The following ECM2 variants were observed in gnomAD, a reference collection of about 807,000 sequenced individuals.
ECM2 encodes extracellular matrix protein 2.
A neutral mutation model predicts 67.5 loss-of-function variants in ECM2; 57 were observed. The ratio of observed to expected loss-of-function variants is 0.84; its 90% CI spans 0.68 to 1.05. The LOEUF (loss-of-function observed/expected upper bound fraction) is 1.05. ECM2 is among the 50% of genes least tolerant of loss of function. ECM2 has a pLI of 0.00. For synonymous variants in ECM2, 258 were observed against 294.5 expected (o/e 0.88, Z 1.27); for missense variants, 741 against 822.8 (o/e 0.90, Z 1.22).
At chr9:92,508,893 C>G (rs956574552) in intron 6 of ECM2, among the ~76,000 whole-genome samples, 2 of 151,816 alleles carry the variant, frequency 1.3e-5, no homozygotes, top group African/African-American at 4.8e-5. Context: ...AGCAAGGAAA[C>G]AGACAGTGTT....
chr9:92,535,790 A>G (rs1849133804), intron 1 of ECM2, 143 bp downstream of exon 1: 1 of 264,566 alleles, frequency 3.8e-6, no homozygotes, highest in African/African-American at 2.3e-5. Context: ...AAAAACAAAC[A>G]GAATAATGCA....
the ECM2 span, among the ~76,000 whole-genome samples, chr9:92,552,132 C>CAT: frequency 9.0e-5 from 12 of 133,862 alleles, 1 homozygote; most frequent in South Asian, 2.6e-4. Context: ...ATAGATCTAT[C>CAT]ATATATATGT....
intron 1 of ECM2, among the ~76,000 whole-genome samples, chr9:92,531,884 C>T (rs1443850364): frequency 1.3e-5 from 2 of 151,976 alleles, no homozygotes; most frequent in Non-Finnish European, 2.9e-5. Flanking sequence ...CTGGGGTTGA[C>T]AAGTGTTTTC....
chr9:92,511,229 G>A (rs1847318971), intron 5 of ECM2, among the ~76,000 whole-genome samples: 1 of 151,960 alleles, frequency 6.6e-6, no homozygotes, highest in African/African-American at 2.4e-5. Context: ...GAATTCAAGC[G>A]ATTCTCCTGC....
chr9:92,533,318 A>ATATATATATAT (rs1848939859), intron 1 of ECM2, among the ~76,000 whole-genome samples: 1 of 94,840 alleles, frequency 1.1e-5, no homozygotes, highest in African/African-American at 4.2e-5. Context: ...AAAAAAAAAA[A>ATATATATATAT]AAAAAAAAAA....
intron 1 of ECM2, among the ~76,000 whole-genome samples, chr9:92,528,865 T>C (rs551893697): frequency 4.6e-5 from 7 of 152,320 alleles, no homozygotes; most frequent in Admixed American, 3.3e-4. Context: ...ACAGGAAAAG[T>C]TGACCCATAA....
chr9:92,526,430 G>A (rs938689115), intron 1 of ECM2, among the ~76,000 whole-genome samples: 3 of 151,974 alleles, frequency 2.0e-5, no homozygotes, highest in African/African-American at 7.3e-5. Flanking sequence ...TACAGCAAAA[G>A]CAGTACTAAG....
In ECM2 at chr9:92,517,842, G is replaced by T. The variant is rs35496743; in HGVS notation, c.326C>A (p.Thr109Asn). 1.2e-6 allele frequency: 2 copies of T among 1,614,148 alleles called. No homozygotes were observed. Among genetic ancestry groups the T allele is most frequent in the Non-Finnish European group, 1.7e-6 (2 of 1,180,036 alleles). Reference protein sequence around the residue: ...KKGHCLVKGITMYNKAVWSPE... With the variant: ...KKGHCLVKGINMYNKAVWSPE... Reference sequence around the variant, plus strand: ...CGACCACACAGCTTTGTTGTACATGGTTATGCCCTTTACCAAACAGTGTCC... The same window carrying T: ...CGACCACACAGCTTTGTTGTACATGTTTATGCCCTTTACCAAACAGTGTCC... Residue 109 changes from threonine to asparagine, a missense_variant, in exon 3 of 10, where the codon ACC becomes AAC. Transcript: ENST00000344604.
chr9:92,552,007 T>TC, the ECM2 span, among the ~76,000 whole-genome samples: 2 of 146,258 alleles, frequency 1.4e-5, no homozygotes, highest in African/African-American at 2.5e-5. Context: ...TATATGTGTA[T>TC]ATATATGATA....
the ECM2 span, among the ~76,000 whole-genome samples, chr9:92,552,218 C>G: frequency 6.7e-6 from 1 of 149,978 alleles, no homozygotes; most frequent in African/African-American, 2.5e-5. Context: ...CACACACACC[C>G]CACAGTTTCT....
chr9:92,504,700 A>AT (rs942622344), intron 7 of ECM2, among the ~76,000 whole-genome samples: 16 of 150,862 alleles, frequency 1.1e-4, no homozygotes, highest in Admixed American at 2.6e-4. Flanking sequence ...ATGACTGGCT[A>AT]TTTTTTTTTA....
At chr9:92,550,695 C>T in the ECM2 span, among the ~76,000 whole-genome samples, 1 of 152,014 alleles carries the variant, frequency 6.6e-6, no homozygotes, top group Non-Finnish European at 1.5e-5. Context: ...ATATGATATT[C>T]TAAATGTGTA....
At chr9:92,546,502 A>C in the ECM2 span, among the ~76,000 whole-genome samples, 1 of 151,958 alleles carries the variant, frequency 6.6e-6, no homozygotes, top group South Asian at 2.1e-4. Context: ...AGAAAAGAAC[A>C]ACTCCAGACG....
In ECM2 at chr9:92,517,710, C is replaced by A. The variant is rs757687848; in HGVS notation, c.458G>T (p.Cys153Phe). The A allele has an allele frequency of 6.2e-7, 1 of 1,614,046 alleles. No individual in the cohort carries two copies. The highest frequency in any genetic ancestry group is 1.7e-5 in the Admixed American group (1 of 59,996). The change falls in exon 3 of 10, where the codon TGC (cysteine) becomes TTC (phenylalanine). Residue 153 changes from cysteine to phenylalanine, a missense_variant. Coordinates refer to ENST00000344604, the MANE Select transcript of ECM2 (RefSeq NM_001393.4). The stretch of plus-strand genomic sequence containing the variant: ...ACCAGTAGCGGAGCAGACCGGGCAG[C>A]ATTCCCCTTCAGGTATAACTGTTTG... Reference protein sequence around the residue: ...CPQTVIPEGECCPVCSATVSY... With the variant: ...CPQTVIPEGEFCPVCSATVSY...
chr9:92,530,354 A>G (rs1588240349), intron 1 of ECM2, among the ~76,000 whole-genome samples: 1 of 152,224 alleles, frequency 6.6e-6, no homozygotes, highest in Non-Finnish European at 1.5e-5. Context: ...GGAAAAGCAC[A>G]TATGAGAACT....
intron 3 of ECM2, 154 bp downstream of exon 3, chr9:92,517,533 C>T (rs1318605439): frequency 3.0e-6 from 3 of 1,002,830 alleles, no homozygotes; most frequent in Non-Finnish European, 3.0e-6. Context: ...TACATTTTCC[C>T]AGATATTTTC....
At chr9:92,542,289 A>G in the ECM2 span, among the ~76,000 whole-genome samples, 1 of 152,126 alleles carries the variant, frequency 6.6e-6, no homozygotes, top group Non-Finnish European at 1.5e-5. Context: ...TATTTTGGAT[A>G]TTATCTCCTT....
At chr9:92,522,991 T>C (rs1848171892) in intron 1 of ECM2, 98 bp from the exon 2 acceptor site, 2 of 1,167,130 alleles carry the variant, frequency 1.7e-6, no homozygotes, top group African/African-American at 3.1e-5. Context: ...GGCAAGTCTT[T>C]GAGAAATTAC....
Position 92,515,079 on chromosome 9 carries a change from C to T in ECM2, c.606G>A (p.Met202Ile). ...GTGCTTCTTTTCTTACTATTCGGTC[C>T]ATTCCCACCTGAGGAGGTGGCAGTT... ...HKQLPPPQVG[M>I]DRIVRKEALQ... The change falls in exon 4 of 10, where the codon ATG (methionine) becomes ATA (isoleucine). Residue 202 changes from methionine to isoleucine, a missense_variant. Coordinates refer to ENST00000344604, the MANE Select transcript of ECM2 (RefSeq NM_001393.4). 6.2e-7 allele frequency: 1 copy of T among 1,614,080 alleles called. No homozygotes were observed. Among genetic ancestry groups the T allele is most frequent in the Admixed American group, 1.7e-5 (1 of 60,016 alleles).
Sources: allele counts gnomAD v4.1 joint callset (sites outside exome capture counted in the v4.1 genomes callset), GRCh38; gene constraint gnomAD v4.1.1; transcripts MANE v1.5; gene names NCBI Gene and HGNC (gene_info 2026-07-23, HGNC 2026-07-21).